ALS2: variants seen among roughly 807,000 people sequenced by gnomAD.
ALS2 encodes the protein alsin.
In ALS2, 117 loss-of-function variants were observed where a neutral mutation model predicts 203.4. The observed-to-expected ratio is 0.58, with a 90% confidence interval of 0.50 to 0.67. ALS2 has a LOEUF of 0.67. Among genes scored for constraint, ALS2 ranks in the 30% least tolerant of loss-of-function variants. ALS2 has a pLI of 0.00. For missense variants in ALS2, 1,715 were observed against 1,989.4 expected (o/e 0.86, Z 2.62); for synonymous variants, 718 against 725.9 (o/e 0.99, Z 0.17).
chr2:201,707,730 C>T (rs1258660251), intron 28 of ALS2, 139 bp downstream of exon 28: 1 of 1,185,488 alleles, frequency 8.4e-7, no homozygotes. Context: ...TGGCTGGCCC[C>T]AACCCTCCTG....
At chr2:201,771,042 ATTTTTTT>A (rs34578117) in intron 1 of ALS2, among the ~76,000 whole-genome samples, 1 of 104,406 alleles carries the variant, frequency 9.6e-6, no homozygotes, top group African/African-American at 3.6e-5. Context: ...GTATTTACAG[ATTTTTTT>A]TTTTTTTTTT....
intron 10 of ALS2, among the ~76,000 whole-genome samples, chr2:201,742,762 G>A (rs1341653494): frequency 6.6e-6 from 1 of 152,166 alleles, no homozygotes; most frequent in African/African-American, 2.4e-5. Flanking sequence ...TGTTTGAAAA[G>A]ATGTTTTTCC....
chr2:201,701,848 AG>A lies in ALS2; in HGVS notation c.*2del. 6.2e-7 allele frequency: 1 copy of A among 1,613,744 alleles called. No individual in the cohort carries two copies. ...TAATCCAGTTTTCAAGCTGTTATGC[AG>A]CCTAGTTAAGCTTCTCACGCTGAAT... On this transcript the variant is annotated 3_prime_UTR_variant, in exon 34 of 34. Transcript: ENST00000264276.
chr2:201,765,493 A>G (rs1694029908), intron 3 of ALS2: 1 of 167,130 alleles, frequency 6.0e-6, no homozygotes, highest in Admixed American at 6.5e-5. Context: ...GAAGAATAAT[A>G]TTATAATAAA....
chr2:201,756,577 G>T (rs1262767439), intron 5 of ALS2, among the ~76,000 whole-genome samples: 1 of 152,194 alleles, frequency 6.6e-6, no homozygotes, highest in African/African-American at 2.4e-5. Flanking sequence ...ATAAAGTTTT[G>T]TTGGGATATA....
intron 5 of ALS2, among the ~76,000 whole-genome samples, chr2:201,755,455 G>C (rs868148091): frequency 1.3e-5 from 2 of 152,132 alleles, no homozygotes; most frequent in African/African-American, 4.8e-5. Context: ...TAGAGACAGG[G>C]TTTTGCCATA....
At chr2:201,749,973 T>G (rs756443458) in intron 7 of ALS2, among the ~76,000 whole-genome samples, 184 bp from the exon 8 acceptor site, 1 of 151,932 alleles carries the variant, frequency 6.6e-6, no homozygotes, top group Non-Finnish European at 1.5e-5. Flanking sequence ...CCAGAGATAA[T>G]GCGCAAATAG....
chr2:201,745,426 A>G (rs1486340234), intron 9 of ALS2, among the ~76,000 whole-genome samples: 1 of 147,776 alleles, frequency 6.8e-6, no homozygotes, highest in Non-Finnish European at 1.5e-5. Flanking sequence ...CACAAAGACT[A>G]AAAAAAAAAG....
At chr2:201,742,202 A>G (rs964956515) in intron 10 of ALS2, among the ~76,000 whole-genome samples, 1 of 152,252 alleles carries the variant, frequency 6.6e-6, no homozygotes, top group African/African-American at 2.4e-5. Context: ...AGCCAAGAGA[A>G]GGGAAGTCAA....
intron 4 of ALS2, chr2:201,759,458 TTAAA>T (rs1459610719): frequency 1.1e-6 from 1 of 941,100 alleles, no homozygotes; most frequent in African/African-American, 1.8e-5. Flanking sequence ...CACATTTAAT[TTAAA>T]TAAATTAAAT....
chr2:201,751,540 T>G (rs537267182), intron 7 of ALS2, among the ~76,000 whole-genome samples: 143 of 152,388 alleles, frequency 9.4e-4, no homozygotes, highest in South Asian at 1.7e-3. Flanking sequence ...CTTTGACAAC[T>G]GTTCCTTTAT....
chr2:201,764,990 C>T (rs991282098), intron 3 of ALS2, among the ~76,000 whole-genome samples: 1 of 151,624 alleles, frequency 6.6e-6, no homozygotes. Context: ...TGTTTATAGT[C>T]GAATAACTTT....
chr2:201,723,016 G>GA (rs531531532), intron 23 of ALS2, 27 bp downstream of exon 23: 1,188 of 1,491,662 alleles, frequency 8.0e-4, no homozygotes, highest in Non-Finnish European at 9.2e-4. Flanking sequence ...TTATTAGGGA[G>GA]AAAAAAAAAG....
At chr2:201,724,791 T>C (rs1211125965) in intron 20 of ALS2, among the ~76,000 whole-genome samples, 1 of 152,194 alleles carries the variant, frequency 6.6e-6, no homozygotes, top group Non-Finnish European at 1.5e-5. Context: ...ATAAGACCAT[T>C]TTTTCATAAA....
chr2:201,739,821 ATGT>A (rs1417129369), intron 11 of ALS2, among the ~76,000 whole-genome samples: 1 of 152,106 alleles, frequency 6.6e-6, no homozygotes, highest in Non-Finnish European at 1.5e-5. Context: ...GTGTTAGAAA[ATGT>A]TGATTAAATA....
chr2:201,715,632 C>G, intron 25 of ALS2, 40 bp downstream of exon 25: 1 of 1,610,594 alleles, frequency 6.2e-7, no homozygotes, highest in South Asian at 1.1e-5. Flanking sequence ...TTTCATCTTC[C>G]TAACATGCTC....
intron 24 of ALS2, among the ~76,000 whole-genome samples, chr2:201,716,175 A>C (rs1187562978): frequency 6.6e-6 from 1 of 152,130 alleles, no homozygotes; most frequent in Non-Finnish European, 1.5e-5. Flanking sequence ...TGGGAGGCCA[A>C]GGCAGGTGGA....
Position 201,704,199 on chromosome 2 carries a change from C to T in ALS2, c.4858G>A (p.Glu1620Lys), listed in dbSNP as rs1559027755. 1.2e-6 allele frequency: 2 copies of T among 1,614,084 alleles called. No individual in the cohort carries two copies. Among genetic ancestry groups the T allele is most frequent in the Non-Finnish European group, 1.7e-6 (2 of 1,179,970 alleles). ...ATTAGATCCTCAATGAGGTGTACCT[C>T]AGAGCCTAAATTCCTAATCCTGCCC... ...LRARIRNLGS[E>K]VHLIEDLMDP... The change falls in exon 33 of 34, where the codon GAG becomes AAG. Residue 1620 changes from glutamate to lysine, a missense_variant. Coordinates refer to ENST00000264276, the MANE Select transcript of ALS2 (RefSeq NM_020919.4).
intron 7 of ALS2, among the ~76,000 whole-genome samples, chr2:201,750,218 CA>C (rs1217430441): frequency 1.3e-5 from 2 of 150,660 alleles, no homozygotes; most frequent in Non-Finnish European, 3.0e-5. Flanking sequence ...GAGGAGTCAA[CA>C]ATAACAATAA....
Sources: allele counts gnomAD v4.1 joint callset (sites outside exome capture counted in the v4.1 genomes callset), GRCh38; gene constraint gnomAD v4.1.1; transcripts MANE v1.5; gene names NCBI Gene and HGNC (gene_info 2026-07-23, HGNC 2026-07-21).